PDE7B: variants seen among roughly 807,000 people sequenced by gnomAD.
The protein encoded by PDE7B is 3',5'-cyclic-AMP phosphodiesterase 7B.
A neutral mutation model predicts 56.2 loss-of-function variants in PDE7B; 29 were observed. The observed-to-expected ratio is 0.52, with a 90% confidence interval of 0.38 to 0.70. The LOEUF (loss-of-function observed/expected upper bound fraction) is 0.70. Ranked by LOEUF, PDE7B falls within the 30% of genes least tolerant of loss-of-function variation. PDE7B has a pLI of 0.00. For synonymous variants in PDE7B, 197 were observed against 196.9 expected, an observed-to-expected ratio of 1.00 and a Z score of 0.00; for missense variants, 490 against 565.0, an observed-to-expected ratio of 0.87 and a Z score of 1.35.
At position 136,173,725 on chromosome 6, in the gene PDE7B, A is replaced by G. The variant is rs1292968767; in HGVS notation, c.712-72A>G. On this transcript the variant is annotated intron_variant, in intron 8 of 12. Transcript: ENST00000308191. ...GGAGGGAAAATGCTAGCGTCCGTGG[A>G]GCTGTGTTCAGCATGAAAGATCAGT... 3.1e-6 allele frequency: 3 copies of G among 980,830 alleles called. No homozygotes were observed. The Admixed American group carries it at 5.2e-5, about 17-fold the overall frequency. The allele number at this position is 980,830 out of a possible 1,614,324, so 60.8% of individuals were successfully genotyped here. A position where few individuals can be genotyped will look rare whatever the true frequency, so the allele number is the denominator to read the frequency against.
intron 8 of PDE7B, among the ~76,000 whole-genome samples, chr6:136,171,557 C>T (rs1403403727): frequency 6.6e-6 from 1 of 152,062 alleles, no homozygotes; most frequent in Admixed American, 6.6e-5. Flanking sequence ...TGCCTCCATT[C>T]AGTTTGCTAG....
chr6:135,916,491 C>G (rs1252633422), intron 1 of PDE7B, among the ~76,000 whole-genome samples: 2 of 140,696 alleles, frequency 1.4e-5, no homozygotes, highest in Non-Finnish European at 3.0e-5. Context: ...CTCCTGGGTT[C>G]AAGTGATTCT....
intron 1 of PDE7B, among the ~76,000 whole-genome samples, chr6:135,911,619 G>A (rs774652323): frequency 6.6e-6 from 1 of 152,114 alleles, no homozygotes; most frequent in Non-Finnish European, 1.5e-5. Flanking sequence ...CTATCTATGT[G>A]TTTTTGTGTT....
intron 2 of PDE7B, among the ~76,000 whole-genome samples, chr6:136,000,982 G>A (rs1162415687): frequency 2.0e-5 from 3 of 152,116 alleles, no homozygotes. Flanking sequence ...CACACAGCCG[G>A]GTACTCCTCT....
chr6:136,079,563 T>C (rs1015456007), intron 2 of PDE7B, among the ~76,000 whole-genome samples: 3 of 152,040 alleles, frequency 2.0e-5, no homozygotes, highest in Non-Finnish European at 4.4e-5. Flanking sequence ...TGGAACCAGG[T>C]GTTCTTTACA....
At chr6:136,157,794 G>C (rs1224838060) in intron 8 of PDE7B, among the ~76,000 whole-genome samples, 5 of 152,198 alleles carry the variant, frequency 3.3e-5, no homozygotes, top group African/African-American at 1.2e-4. Flanking sequence ...GAGATGAAAA[G>C]AGGGCATTAG....
intron 2 of PDE7B, among the ~76,000 whole-genome samples, chr6:135,955,889 T>C (rs542873683): frequency 6.6e-6 from 1 of 152,224 alleles, no homozygotes; most frequent in South Asian, 2.1e-4. Context: ...TCCAAGAGAA[T>C]TGAATTTGCA....
intron 2 of PDE7B, among the ~76,000 whole-genome samples, chr6:135,974,581 G>C (rs779845947): frequency 9.2e-5 from 14 of 152,200 alleles, no homozygotes; most frequent in Non-Finnish European, 1.6e-4. Flanking sequence ...CTTGGAAGTA[G>C]TTAGTGTTGC....
intron 2 of PDE7B, among the ~76,000 whole-genome samples, chr6:136,073,396 T>C (rs1049979100): frequency 2.0e-5 from 3 of 152,220 alleles, no homozygotes; most frequent in Admixed American, 6.5e-5. Context: ...AAGGCTGTCA[T>C]AACACAGCAC....
chr6:135,922,084 A>G (rs1334613424), intron 1 of PDE7B, among the ~76,000 whole-genome samples: 1 of 152,164 alleles, frequency 6.6e-6, no homozygotes, highest in Non-Finnish European at 1.5e-5. Context: ...AGATTGCATA[A>G]GGTCAATCTT....
In PDE7B at chr6:135,882,243, C is replaced by T. The variant is rs149065408; in HGVS notation, c.21+30224C>T. ...CATTTATTACCATGTGGTGTGACCC[C>T]CGCTGAGAACAAAGACTTCGATTAA... On this transcript the variant is annotated intron_variant, in intron 1 of 12. Transcript: ENST00000308191. Among the ~76,000 whole-genome samples, 46 of 152,234 alleles carry T rather than the reference C, an allele frequency of 3.0e-4. 1 individual carries two copies. Among genetic ancestry groups the T allele is most frequent in the African/African-American group, 9.9e-4 (41 of 41,522 alleles).
chr6:136,076,341 C>T (rs1446938031), intron 2 of PDE7B, among the ~76,000 whole-genome samples: 3 of 152,124 alleles, frequency 2.0e-5, no homozygotes, highest in Non-Finnish European at 4.4e-5. Context: ...AGCATCATGG[C>T]AGTTGTCTGT....
intron 3 of PDE7B, among the ~76,000 whole-genome samples, chr6:136,118,789 A>G (rs1777880119): frequency 6.6e-6 from 1 of 152,188 alleles, no homozygotes; most frequent in Non-Finnish European, 1.5e-5. Flanking sequence ...TTTTCTTTTT[A>G]TAGTACATTT....
chr6:136,004,092 A>C (rs1047203456), intron 2 of PDE7B, among the ~76,000 whole-genome samples: 38 of 152,282 alleles, frequency 2.5e-4, no homozygotes, highest in African/African-American at 8.9e-4. Flanking sequence ...ACAGAACCAA[A>C]GACAAAAATC....
chr6:136,113,560 A>T (rs980243932), intron 3 of PDE7B, among the ~76,000 whole-genome samples: 2 of 152,338 alleles, frequency 1.3e-5, no homozygotes, highest in African/African-American at 4.8e-5. Context: ...TTTACACCTA[A>T]GCATAGAGAG....
chr6:135,950,649 T>G (rs1166562514), intron 2 of PDE7B, among the ~76,000 whole-genome samples: 1 of 152,046 alleles, frequency 6.6e-6, no homozygotes, highest in East Asian at 1.9e-4. Context: ...CCACTCACAC[T>G]CCAGGTTTGG....
At chr6:136,177,814 T>C (rs1307327293) in intron 9 of PDE7B, among the ~76,000 whole-genome samples, 3 of 152,272 alleles carry the variant, frequency 2.0e-5, no homozygotes, top group Admixed American at 6.5e-5. Context: ...TAGAGGTATA[T>C]AAGAATATTT....
At chr6:135,865,306 A>G (rs1381371332) in intron 1 of PDE7B, among the ~76,000 whole-genome samples, 3 of 151,948 alleles carry the variant, frequency 2.0e-5, no homozygotes, top group African/African-American at 7.3e-5. Flanking sequence ...CTTTAGACCA[A>G]TATTTTTATT....
intron 2 of PDE7B, among the ~76,000 whole-genome samples, chr6:135,970,745 G>C (rs1775080567): frequency 6.6e-6 from 1 of 152,150 alleles, no homozygotes; most frequent in Non-Finnish European, 1.5e-5. Context: ...TTCTACGTGG[G>C]CACTGGGAAA....
Sources: allele counts gnomAD v4.1 joint callset (sites outside exome capture counted in the v4.1 genomes callset), GRCh38; gene constraint gnomAD v4.1.1; transcripts MANE v1.5; gene names NCBI Gene and HGNC (gene_info 2026-07-23, HGNC 2026-07-21).